The following ZNF831 variants were observed in gnomAD, a reference collection of about 807,000 sequenced individuals.
ZNF831 encodes chromosome 20 open reading frame 174.
Under a neutral mutation model 95.8 loss-of-function variants are expected in ZNF831, and 59 were observed. The observed-to-expected ratio is 0.62, with a 90% confidence interval of 0.50 to 0.77. The LOEUF is 0.77. ZNF831 is among the 30% of genes least tolerant of loss of function. The probability of loss-of-function intolerance (pLI) is 0.00; values close to 1 mark genes in which losing one functional copy is unlikely to be tolerated. For missense variants in ZNF831, 2,205 were observed against 2,164.0 expected (o/e 1.02, Z -0.38); for synonymous variants, 961 against 925.5 (o/e 1.04, Z -0.70).
chr20:59,223,770 C>A (rs936497545), intron 4 of ZNF831, among the ~76,000 whole-genome samples: 1 of 152,218 alleles, frequency 6.6e-6, no homozygotes, highest in Admixed American at 6.5e-5. Context: ...AAGGCAGAAC[C>A]CAGATTTCAC....
chr20:59,140,891 A>G (rs1979656481), intron 1 of ZNF831, among the ~76,000 whole-genome samples: 1 of 152,084 alleles, frequency 6.6e-6, no homozygotes, highest in African/African-American at 2.4e-5. Flanking sequence ...TTGCAGAGCA[A>G]TAGTTTTAAA....
At chr20:59,199,282 C>A (rs993266491) in intron 3 of ZNF831, among the ~76,000 whole-genome samples, 1 of 151,920 alleles carries the variant, frequency 6.6e-6, no homozygotes, top group Non-Finnish European at 1.5e-5. Context: ...GAGAATGATA[C>A]AGTTCTCTTC....
intron 4 of ZNF831, 87 bp from the exon 5 acceptor site, chr20:59,252,891 C>G (rs1403665759): frequency 1.4e-6 from 2 of 1,434,406 alleles, no homozygotes; most frequent in Non-Finnish European, 1.9e-6. Flanking sequence ...CAGAGGCGAT[C>G]AAGAAGTCAT....
At chr20:59,220,151 A>G (rs947205225) in intron 4 of ZNF831, among the ~76,000 whole-genome samples, 1 of 152,226 alleles carries the variant, frequency 6.6e-6, no homozygotes. Context: ...AGAGGGCCAC[A>G]AATGAATCCT....
In ZNF831 at chr20:59,133,120, G is replaced by A. The variant is rs547825401; in HGVS notation, c.-1425+9615G>A. ...TTGCTATGCTCTGGTCCTGCATGACGTCCGTAGGATCACTTTGGGCAGTTG... is the reference window on the plus strand; with the variant it reads ...TTGCTATGCTCTGGTCCTGCATGACATCCGTAGGATCACTTTGGGCAGTTG... On this transcript the variant is annotated intron_variant, in intron 1 of 7. Coordinates refer to the ZNF831 transcript ENST00000637017. Among the ~76,000 whole-genome samples, 59 of 25,560 alleles carry A rather than the reference G, an allele frequency of 2.3e-3. 1 individual carries two copies. Among genetic ancestry groups the A allele is most frequent in the African/African-American group, 4.8e-3 (57 of 11,902 alleles). 16.8% of individuals were successfully genotyped at this position (25,560 alleles called of 152,430 possible).
intron 4 of ZNF831, among the ~76,000 whole-genome samples, chr20:59,245,178 C>T (rs1344666302): frequency 1.3e-5 from 2 of 152,226 alleles, no homozygotes; most frequent in Admixed American, 6.5e-5. Context: ...CACCAAGCGG[C>T]CTCTCATTCA....
intron 3 of ZNF831, among the ~76,000 whole-genome samples, chr20:59,202,593 G>A (rs868377355): frequency 6.6e-6 from 1 of 152,054 alleles, no homozygotes; most frequent in Non-Finnish European, 1.5e-5. Context: ...ATGTTCCCCG[G>A]GCAGGTGGTG....
At chr20:59,248,741 T>A (rs928716072) in intron 4 of ZNF831, among the ~76,000 whole-genome samples, 2 of 152,262 alleles carry the variant, frequency 1.3e-5, no homozygotes, top group African/African-American at 4.8e-5. Context: ...ACGATGAGGC[T>A]AAGGAAATGC....
chr20:59,201,122 C>T (rs950817421), intron 3 of ZNF831, among the ~76,000 whole-genome samples: 2 of 152,154 alleles, frequency 1.3e-5, no homozygotes, highest in Admixed American at 6.5e-5. Flanking sequence ...AGTTCCATTT[C>T]TCTACATTAT....
At chr20:59,240,488 T>A (rs1465409290) in intron 4 of ZNF831, among the ~76,000 whole-genome samples, 1 of 152,080 alleles carries the variant, frequency 6.6e-6, no homozygotes, top group Non-Finnish European at 1.5e-5. Context: ...GATTTACTGA[T>A]TGATTTGGTT....
rs1981041335 is a variant in ZNF831, at chr20:59,163,839, G to T, written c.-405G>T. On this transcript the variant is annotated 5_prime_UTR_variant, in exon 1 of 6. Transcript: ENST00000371030. ...CTGGGCCATACCAAGTTTTATCTCT[G>T]CTTGAGTCTCTTCCAGGTTGCTTGA... 6.6e-6 allele frequency among the ~76,000 whole-genome samples: 1 copy of T among 151,354 alleles called. No individual in the cohort carries two copies.
At chr20:59,196,051 G>A (rs778056789) in intron 3 of ZNF831, 46 bp downstream of exon 3, 4 of 1,601,758 alleles carry the variant, frequency 2.5e-6, no homozygotes, top group Admixed American at 3.4e-5. Flanking sequence ...ACCCCAAGAA[G>A]AATTTACTAT....
At chr20:59,136,927 G>C (rs1281997061) in intron 1 of ZNF831, among the ~76,000 whole-genome samples, 1 of 152,206 alleles carries the variant, frequency 6.6e-6, no homozygotes, top group Non-Finnish European at 1.5e-5. Flanking sequence ...GAGTTATGCA[G>C]TTTTCATGTC....
chr20:59,176,999 G>A (rs1982219967), intron 1 of ZNF831, among the ~76,000 whole-genome samples: 1 of 114,582 alleles, frequency 8.7e-6, no homozygotes, highest in East Asian at 2.3e-4. Flanking sequence ...GCCCATACTG[G>A]AAAGATCTGC....
chr20:59,156,239 T>G (rs2146464566), intron 2 of ZNF831, among the ~76,000 whole-genome samples: 1 of 152,270 alleles, frequency 6.6e-6, no homozygotes, highest in Middle Eastern at 3.4e-3. Context: ...CTTAGAAAAT[T>G]TTAAGTACGT....
chr20:59,205,130 C>T (rs563844088), intron 3 of ZNF831, among the ~76,000 whole-genome samples: 104 of 152,278 alleles, frequency 6.8e-4, no homozygotes, highest in African/African-American at 2.3e-3. Flanking sequence ...CAAACTGTGC[C>T]GTTCTTAACA....
Position 59,255,449 on chromosome 20 carries a change from C to T in ZNF831, c.*706C>T, listed in dbSNP as rs967173503. The stretch of plus-strand genomic sequence containing the variant: ...TATTTATGGTCAGATGATGCAAGCA[C>T]ATGCTCTTGTGCCTGGTGCGTTTGC... On this transcript the variant is annotated 3_prime_UTR_variant, in exon 6 of 6. Transcript: ENST00000371030. The T allele has an allele frequency of 2.0e-5, 3 of 152,286 alleles. No individual in the cohort carries two copies. The highest frequency in any genetic ancestry group is 7.2e-5 in the African/African-American group (3 of 41,466). 9.4% of individuals were successfully genotyped at this position (152,286 alleles called of 1,614,324 possible).
chr20:59,238,293 C>T (rs1987116580), intron 4 of ZNF831, among the ~76,000 whole-genome samples: 1 of 152,162 alleles, frequency 6.6e-6, no homozygotes, highest in Non-Finnish European at 1.5e-5. Context: ...GTTTTTCAAA[C>T]ACTAAACTGG....
rs749798303 is a variant in ZNF831 at position 59,194,526 on chromosome 20, C to G, written c.3507C>G (p.Ser1169Arg). ...GCCACAGCACCCGCAGTCCCCACAGCACCCAAAACCCCTTTCCCTCACTGA... is the reference window on the plus strand; with the variant it reads ...GCCACAGCACCCGCAGTCCCCACAGGACCCAAAACCCCTTTCCCTCACTGA... ...SRSHSTRSPH[S>R]TQNPFPSLKA... Residue 1169 changes from serine to arginine, a missense_variant, in exon 2 of 6, where the codon AGC (serine) becomes AGG (arginine). By Grantham distance (110) the Ser-to-Arg change is moderately radical. Coordinates refer to ENST00000371030, the MANE Select transcript of ZNF831 (RefSeq NM_178457.3). 5 of 1,606,908 alleles carry G rather than the reference C, an allele frequency of 3.1e-6. No homozygotes were observed. In the Admixed American group the frequency reaches 8.4e-5, roughly 27 times the overall value.
Sources: allele counts gnomAD v4.1 joint callset (sites outside exome capture counted in the v4.1 genomes callset), GRCh38; gene constraint gnomAD v4.1.1; transcripts MANE v1.5; gene names NCBI Gene and HGNC (gene_info 2026-07-23, HGNC 2026-07-21).